The following CRAMP1 variants were observed in gnomAD, a reference collection of about 807,000 sequenced individuals.
The protein encoded by CRAMP1 is cramped chromatin regulator 1.
In CRAMP1, 50 loss-of-function variants were observed where a neutral mutation model predicts 115.4. The ratio of observed to expected loss-of-function variants is 0.43; its 90% CI spans 0.35 to 0.55. CRAMP1 has a LOEUF of 0.55. Ranked by LOEUF, CRAMP1 falls within the 20% of genes least tolerant of loss-of-function variation. The pLI, the probability that CRAMP1 is intolerant of heterozygous loss-of-function variation, is 0.01. For missense variants in CRAMP1, 1,679 were observed against 1,721.7 expected (o/e 0.98, Z 0.44); for synonymous variants, 866 against 745.4 (o/e 1.16, Z -2.64).
At chr16:1,621,632 C>T (rs531582411) in intron 2 of CRAMP1, among the ~76,000 whole-genome samples, 67 of 152,252 alleles carry the variant, frequency 4.4e-4, no homozygotes, top group African/African-American at 1.6e-3. Flanking sequence ...ATCTAGGCTC[C>T]GTGGGACCCT....
At chr16:1,651,559 T>C (rs1003246137) in intron 6 of CRAMP1, among the ~76,000 whole-genome samples, 3 of 137,822 alleles carry the variant, frequency 2.2e-5, no homozygotes, top group Admixed American at 1.4e-4. Flanking sequence ...TAGAGGTGGA[T>C]TGAGGTCACA....
At chr16:1,632,664 C>T (rs756415905) in intron 4 of CRAMP1, among the ~76,000 whole-genome samples, 1 of 152,234 alleles carries the variant, frequency 6.6e-6, no homozygotes, top group Non-Finnish European at 1.5e-5. Context: ...GTCCCTGGCT[C>T]ACCTGAAGCC....
In CRAMP1 at chr16:1,676,721, T is replaced by C. The variant is rs191340627; in HGVS notation, c.*2676T>C. 29 of 152,370 alleles carry C rather than the reference T, an allele frequency of 1.9e-4. No individual in the cohort carries two copies. Among genetic ancestry groups the C allele is most frequent in the African/African-American group, 6.5e-4 (27 of 41,590 alleles). The allele number at this position is 152,370 out of a possible 1,614,324, so 9.4% of individuals were successfully genotyped here. On this transcript the variant is annotated 3_prime_UTR_variant, in exon 21 of 21. Transcript: ENST00000397412. ...GGAGATTGGGACAGAGCATCTGTGG[T>C]CCAGGGAAGTTAGTCCTCTGGCCTC...
At position 1,669,186 on chromosome 16, in the gene CRAMP1, C is replaced by T; in HGVS notation, c.3499+21C>T. 1.3e-6 allele frequency: 2 copies of T among 1,543,104 alleles called. No homozygotes were observed. The highest frequency in any genetic ancestry group is 1.4e-5 in the African/African-American group (1 of 72,082). Reference sequence around the variant, plus strand: ...GTTTGGTGAGTGTATGGGGAGGGCTCCCATCTCCTTTTCCAGGGCAGCAGG... The same window carrying T: ...GTTTGGTGAGTGTATGGGGAGGGCTTCCATCTCCTTTTCCAGGGCAGCAGG... On this transcript the variant is annotated intron_variant, in intron 19 of 20. Transcript: ENST00000397412. The surrounding 1 kb of genome is among the most constrained non-coding windows in gnomAD (Gnocchi z 4.6).
chr16:1,655,803 T>A (rs1391112890), intron 9 of CRAMP1, 74 bp from the exon 10 acceptor site: 1 of 1,524,108 alleles, frequency 6.6e-7, no homozygotes, highest in African/African-American at 1.4e-5. Context: ...GTGGCTCGTG[T>A]CTGTACCCAT....
At position 1,672,591 on chromosome 16, in the gene CRAMP1, A is replaced by G. The variant is rs2036931027; in HGVS notation, c.3646-1290A>G. On this transcript the variant is annotated intron_variant, in intron 20 of 20. Coordinates refer to ENST00000397412, the MANE Select transcript of CRAMP1 (RefSeq NM_020825.4). The surrounding 1 kb of genome is among the most constrained non-coding windows in gnomAD (Gnocchi z 4.9). ...AATTTTAATTTGTCTGACATTTCCC[A>G]TAATCAAAGCATAAAATTTCATTTA... 6.6e-6 allele frequency among the ~76,000 whole-genome samples: 1 copy of G among 152,218 alleles called. No homozygotes were observed. Among genetic ancestry groups the G allele is most frequent in the South Asian group, 2.1e-4 (1 of 4,824 alleles).
At chr16:1,667,234 G>C (rs1454373423) in intron 16 of CRAMP1, 101 bp from the exon 17 acceptor site, 1 of 888,164 alleles carries the variant, frequency 1.1e-6, no homozygotes, top group Non-Finnish European at 1.8e-6. Context: ...TAGGAGGCCA[G>C]GGGGATGGAA....
chr16:1,617,574 TA>T (rs2036431679), intron 2 of CRAMP1, among the ~76,000 whole-genome samples: 1 of 152,262 alleles, frequency 6.6e-6, no homozygotes, highest in Admixed American at 6.5e-5. Context: ...ATGTAACTTC[TA>T]TTATGCCTAA....
At chr16:1,651,131 T>C (rs2036718858) in intron 6 of CRAMP1, among the ~76,000 whole-genome samples, 3 of 148,272 alleles carry the variant, frequency 2.0e-5, no homozygotes, top group African/African-American at 7.5e-5. Context: ...CATGGAAAGG[T>C]AGATTGAGGT....
chr16:1,633,368 C>T, intron 4 of CRAMP1, among the ~76,000 whole-genome samples: 1 of 152,258 alleles, frequency 6.6e-6, no homozygotes, highest in East Asian at 1.9e-4. Context: ...ACTGAAGAAC[C>T]TCCACTGGGA....
chr16:1,639,813 G>A (rs970074979), intron 5 of CRAMP1, among the ~76,000 whole-genome samples: 9 of 152,218 alleles, frequency 5.9e-5, no homozygotes, highest in Non-Finnish European at 1.0e-4. Context: ...TTACTTAGGT[G>A]TGGAAAGTTG....
chr16:1,640,829 T>C (rs2036625542), intron 5 of CRAMP1, among the ~76,000 whole-genome samples: 1 of 152,042 alleles, frequency 6.6e-6, no homozygotes, highest in African/African-American at 2.4e-5. Context: ...AGGCCGGCGC[T>C]GGGGGACCTA....
chr16:1,651,939 C>A (rs2036727646), intron 6 of CRAMP1, among the ~76,000 whole-genome samples: 1 of 151,286 alleles, frequency 6.6e-6, no homozygotes, highest in South Asian at 2.1e-4. Context: ...ACAGAGAGGT[C>A]ACGTAGAAGT....
At position 1,669,361 on chromosome 16, in the gene CRAMP1, C is replaced by G. The variant is rs1003723078; in HGVS notation, c.3499+196C>G. Reference sequence around the variant, plus strand: ...GGAAAATGTACACATTTTTAGTGTACAGTTCACCAAGCTTTGGCAAGCATG... The same window carrying G: ...GGAAAATGTACACATTTTTAGTGTAGAGTTCACCAAGCTTTGGCAAGCATG... On this transcript the variant is annotated intron_variant, in intron 19 of 20. Transcript: ENST00000397412. This position sits in a 1 kb window ranked among gnomAD's most constrained non-coding sequence, Gnocchi z 4.6. 6.6e-5 allele frequency among the ~76,000 whole-genome samples: 10 copies of G among 152,158 alleles called. No individual in the cohort carries two copies. Among genetic ancestry groups the G allele is most frequent in the African/African-American group, 2.4e-4 (10 of 41,428 alleles).
chr16:1,614,813 C>CCCCCCCGCG lies in CRAMP1; in HGVS notation c.182_190dup (p.Ala61_Pro63dup). The CCCCCCCGCG allele has an allele frequency of 7.9e-7, 1 of 1,262,412 alleles. No homozygotes were observed. Among genetic ancestry groups the CCCCCCCGCG allele is most frequent in the Non-Finnish European group, 9.9e-7 (1 of 1,006,214 alleles). 78.2% of individuals were successfully genotyped at this position (1,262,412 alleles called of 1,614,324 possible). On this transcript the variant is annotated inframe_insertion, in exon 2 of 21. Coordinates refer to ENST00000397412, the MANE Select transcript of CRAMP1 (RefSeq NM_020825.4). This position sits in a 1 kb window ranked among gnomAD's most constrained non-coding sequence, Gnocchi z 4.4. ...AGACCCCCCGGGCCGGCGCCGACGG[C>CCCCCCCGCG]CCCCCCGCGCCCCCCGGCGCGCCGC...
chr16:1,629,851 G>A (rs375321559), intron 3 of CRAMP1, among the ~76,000 whole-genome samples: 1 of 152,036 alleles, frequency 6.6e-6, no homozygotes, highest in East Asian at 1.9e-4. Flanking sequence ...CCCAGACTGG[G>A]GTGCCAGCCT....
At chr16:1,657,445 C>T (rs2036785922) in intron 10 of CRAMP1, among the ~76,000 whole-genome samples, 1 of 152,158 alleles carries the variant, frequency 6.6e-6, no homozygotes, top group East Asian at 1.9e-4. Context: ...CAGAGTGAGG[C>T]CTGGAGCCGA....
chr16:1,657,181 G>A (rs1212834769), intron 10 of CRAMP1, among the ~76,000 whole-genome samples, 189 bp downstream of exon 10: 6 of 152,206 alleles, frequency 3.9e-5, no homozygotes, highest in Admixed American at 6.5e-5. Context: ...CAAATGGTCC[G>A]GGAGACAGAG....
Position 1,662,913 on chromosome 16 carries a change from A to G in CRAMP1, c.2670+78A>G, listed in dbSNP as rs2036845552. ...ACACAGGGCTTCTTCCCTCTCTCAC[A>G]TTTTCATGGTGTAAAATGTGGGAAA... On this transcript the variant is annotated intron_variant, in intron 13 of 20. Coordinates refer to ENST00000397412, the MANE Select transcript of CRAMP1 (RefSeq NM_020825.4). 1.2e-5 allele frequency: 14 copies of G among 1,135,876 alleles called. No homozygotes were observed. The East Asian group carries it at 3.2e-4, about 26-fold the overall frequency. 70.4% of individuals were successfully genotyped at this position (1,135,876 alleles called of 1,614,324 possible).
Sources: gnomAD v4.1 joint callset for allele counts (sites outside exome capture counted in the v4.1 genomes callset) on GRCh38, gnomAD v4.1.1 for gene constraint, Gnocchi (gnomAD v3.1) non-coding constraint, MANE v1.5 for transcripts, NCBI Gene and HGNC (gene_info 2026-07-23, HGNC 2026-07-21) for gene names.